The following COG2 variants were observed in gnomAD, a reference collection of about 807,000 sequenced individuals.
The protein encoded by COG2 is component of oligomeric golgi complex 2.
A neutral mutation model predicts 90.6 loss-of-function variants in COG2; 52 were observed. The ratio of observed to expected loss-of-function variants is 0.57; its 90% CI spans 0.46 to 0.72. The LOEUF (loss-of-function observed/expected upper bound fraction) is 0.72, where lower values mean the gene tolerates loss of function less well. Among genes scored for constraint, COG2 ranks in the 30% least tolerant of loss-of-function variants. The pLI is 0.00. For missense variants in COG2, 829 were observed against 891.2 expected (o/e 0.93, Z 0.89); for synonymous variants, 337 against 320.4 (o/e 1.05, Z -0.55).
chr1:230,648,788 AAATT>A (rs1661847064), intron 1 of COG2, among the ~76,000 whole-genome samples: 1 of 152,226 alleles, frequency 6.6e-6, no homozygotes, highest in Non-Finnish European at 1.5e-5. Context: ...TTAACTAACC[AAATT>A]AATCACAAAA....
intron 9 of COG2, among the ~76,000 whole-genome samples, chr1:230,675,332 A>G (rs1208692098): frequency 2.0e-5 from 3 of 152,244 alleles, no homozygotes; most frequent in Admixed American, 2.0e-4. Context: ...TTTTCATTTT[A>G]TAATATAAAG....
chr1:230,683,631 C>T lies in COG2; in HGVS notation c.1224C>T (p.Ala408=), dbSNP rs769565256. The T allele has an allele frequency of 6.2e-7, 1 of 1,607,026 alleles. No homozygotes were observed. Among genetic ancestry groups the T allele is most frequent in the Non-Finnish European group, 8.5e-7 (1 of 1,173,956 alleles). ...CACTTACAGATGTCCTGGAAGATGC[C>T]CCAGGTAACTCCCTTAAAGTGATAA... ...EAALTDVLED[A]PAESPYCLLA... Residue 408 remains alanine, a synonymous_variant, in exon 11 of 18, where the codon GCC becomes GCT. Transcript: ENST00000366669.
rs932443331 is a variant in COG2, at chr1:230,642,522, G to T, written c.-85G>T. On this transcript the variant is annotated 5_prime_UTR_variant, in exon 1 of 18. Transcript: ENST00000366669. ...ACCCCCCTGTGCCGTGGAAACTGGC[G>T]GTGGCCGCGGCCGCCGAGTCGGTCT... 3.6e-6 allele frequency: 5 copies of T among 1,383,284 alleles called. No individual in the cohort carries two copies. Among genetic ancestry groups the T allele is most frequent in the South Asian group, 1.3e-5 (1 of 78,250 alleles). The allele number at this position is 1,383,284 out of a possible 1,614,324, so 85.7% of individuals were successfully genotyped here.
At chr1:230,687,440 TCCCC>T (rs1662910240) in intron 13 of COG2, among the ~76,000 whole-genome samples, 2 of 152,166 alleles carry the variant, frequency 1.3e-5, no homozygotes, top group Non-Finnish European at 2.9e-5. Flanking sequence ...GCAGCCATGC[TCCCC>T]CACTTTTTTT....
chr1:230,655,476 C>T (rs1662026288), intron 1 of COG2, among the ~76,000 whole-genome samples: 1 of 152,088 alleles, frequency 6.6e-6, no homozygotes, highest in Admixed American at 6.6e-5. Context: ...TAAGCTTTTT[C>T]ATGTGCTGCT....
intron 7 of COG2, chr1:230,670,312 C>T (rs1662418186): frequency 6.6e-6 from 1 of 152,176 alleles, no homozygotes; most frequent in African/African-American, 2.4e-5. Context: ...TGAGCCCGTC[C>T]TCGGTGTTTG....
Position 230,684,157 on chromosome 1 carries a change from T to A in COG2, c.1228+522T>A, listed in dbSNP as rs543810652. Among the ~76,000 whole-genome samples the A allele has an allele frequency of 9.4e-4, 143 of 152,302 alleles. 1 individual carries two copies. Among genetic ancestry groups the A allele is most frequent in the African/African-American group, 3.1e-3 (129 of 41,550 alleles). On this transcript the variant is annotated intron_variant, in intron 11 of 17. Transcript: ENST00000366669. ...TTTGGTGTATAGAGTTCTTGCTTTA[T>A]AGAGATGAAAAATGAATAAGAATAT... is the stretch of plus-strand genomic sequence containing the variant.
At chr1:230,672,606 G>A (rs1383729342) in intron 8 of COG2, among the ~76,000 whole-genome samples, 4 of 151,736 alleles carry the variant, frequency 2.6e-5, no homozygotes, top group African/African-American at 9.7e-5. Context: ...CAAGGCAGGT[G>A]AATCGCTTGA....
At chr1:230,687,619 ATCC>A (rs1662913461) in intron 13 of COG2, among the ~76,000 whole-genome samples, 1 of 152,082 alleles carries the variant, frequency 6.6e-6, no homozygotes, top group African/African-American at 2.4e-5. Context: ...CTCTGTATAG[ATCC>A]GTATGTTTTT....
chr1:230,662,282 A>G (rs1348073397), intron 3 of COG2, among the ~76,000 whole-genome samples: 1 of 152,090 alleles, frequency 6.6e-6, no homozygotes, highest in African/African-American at 2.4e-5. Context: ...ACTCTGTGAG[A>G]TTCTGCAGTC....
chr1:230,671,587 T>TG lies in COG2; in HGVS notation c.847dup (p.Val283GlyfsTer19). On this transcript the variant is annotated frameshift_variant, in exon 8 of 18. Transcript: ENST00000366669. LOFTEE classifies it high-confidence loss of function. ...TCATGTATAATAAACTCCTGGAGTTTGTTCCTCACCATTGCCGCCTTCTTC... is the reference window on the plus strand; with the variant it reads ...TCATGTATAATAAACTCCTGGAGTTTGGTTCCTCACCATTGCCGCCTTCTTC... The TG allele has an allele frequency of 6.2e-7, 1 of 1,613,944 alleles. No individual in the cohort carries two copies. Among genetic ancestry groups the TG allele is most frequent in the Non-Finnish European group, 8.5e-7 (1 of 1,179,856 alleles).
intron 16 of COG2, 145 bp downstream of exon 16, chr1:230,690,298 C>T: frequency 2.9e-6 from 2 of 680,132 alleles, no homozygotes; most frequent in South Asian, 4.4e-5. Flanking sequence ...GTGTGTCCCA[C>T]TGTTTGCTTC....
chr1:230,691,370 G>A lies in COG2; in HGVS notation c.1935-14G>A. On this transcript the variant is annotated splice_polypyrimidine_tract_variant and intron_variant, in intron 16 of 17. Coordinates refer to ENST00000366669, the MANE Select transcript of COG2 (RefSeq NM_007357.3). Reference sequence around the variant, plus strand: ...AATGCCTCTTTTCACCAATAAACGTGTCTTCTATTCAAGGTACTATGAAAC... The same window carrying A: ...AATGCCTCTTTTCACCAATAAACGTATCTTCTATTCAAGGTACTATGAAAC... 3 of 1,584,684 alleles carry A rather than the reference G, an allele frequency of 1.9e-6. No individual in the cohort carries two copies. The highest frequency in any genetic ancestry group is 2.6e-6 in the Non-Finnish European group (3 of 1,163,754).
chr1:230,657,013 ACT>A (rs1025374952), intron 1 of COG2, among the ~76,000 whole-genome samples: 3 of 151,816 alleles, frequency 2.0e-5, no homozygotes, highest in African/African-American at 7.3e-5. Flanking sequence ...ATGGGTCTTG[ACT>A]CTATCCAATT....
At chr1:230,671,380 T>G in intron 7 of COG2, 136 bp from the exon 8 acceptor site, 1 of 681,326 alleles carries the variant, frequency 1.5e-6, no homozygotes, top group South Asian at 1.9e-5. Flanking sequence ...CTTCACTGTT[T>G]AGAAAATGTG....
At chr1:230,681,128 G>C (rs1403048712) in intron 10 of COG2, 2 of 152,034 alleles carry the variant, frequency 1.3e-5, no homozygotes, top group African/African-American at 4.8e-5. Flanking sequence ...CATTTCATTT[G>C]CACCTACAGG....
intron 10 of COG2, 77 bp downstream of exon 10, chr1:230,679,129 A>G: frequency 7.3e-7 from 1 of 1,374,604 alleles, no homozygotes; most frequent in South Asian, 1.5e-5. Flanking sequence ...ATGTTGCCTC[A>G]GTTAGCGGCT....
chr1:230,676,620 A>G (rs1662605640), intron 9 of COG2, among the ~76,000 whole-genome samples: 1 of 152,100 alleles, frequency 6.6e-6, no homozygotes, highest in Admixed American at 6.5e-5. Context: ...CATGTTTGTC[A>G]TTGCTTACTG....
At chr1:230,643,012 G>C in intron 1 of COG2, 1 of 289,378 alleles carries the variant, frequency 3.5e-6, no homozygotes, top group Non-Finnish European at 6.4e-6. Flanking sequence ...AAAGAAGCTT[G>C]TGGACCGGGG....
Sources: allele counts gnomAD v4.1 joint callset (sites outside exome capture counted in the v4.1 genomes callset), GRCh38; gene constraint gnomAD v4.1.1; transcripts MANE v1.5; gene names NCBI Gene and HGNC (gene_info 2026-07-23, HGNC 2026-07-21).